The following RORA variants were observed in gnomAD, a reference collection of about 807,000 sequenced individuals.
RORA encodes the protein nuclear receptor ROR-alpha.
In RORA, 7 loss-of-function variants were observed where a neutral mutation model predicts 69.5. That is an observed-to-expected ratio of 0.10 (90% CI 0.06 to 0.19). RORA has a LOEUF of 0.19. Among genes scored for constraint, RORA ranks in the 10% least tolerant of loss-of-function variants. The pLI is 1.00. For missense variants in RORA, 457 were observed against 663.0 expected, an observed-to-expected ratio of 0.69 and a Z score of 3.41; for synonymous variants, 261 against 240.8, an observed-to-expected ratio of 1.08 and a Z score of -0.78.
intron 1 of RORA, among the ~76,000 whole-genome samples, chr15:60,944,471 C>A (rs775052388): frequency 1.3e-5 from 2 of 152,110 alleles, no homozygotes; most frequent in African/African-American, 4.8e-5. Flanking sequence ...AATCCCAGCA[C>A]TTTGGGAGGC....
intron 1 of RORA, among the ~76,000 whole-genome samples, chr15:61,082,217 A>G (rs188544045): frequency 2.2e-3 from 339 of 152,200 alleles, no homozygotes; most frequent in African/African-American, 7.7e-3. Flanking sequence ...GGCCGGGCGC[A>G]GTGGCTCACA....
At chr15:60,515,776 C>T (rs1356217201) in intron 3 of RORA, among the ~76,000 whole-genome samples, 2 of 147,554 alleles carry the variant, frequency 1.4e-5, no homozygotes, top group East Asian at 4.0e-4. Flanking sequence ...GGGTCTTGCT[C>T]TGTCACCCAG....
intron 1 of RORA, among the ~76,000 whole-genome samples, chr15:61,007,627 C>A (rs1894947341): frequency 6.6e-6 from 1 of 151,050 alleles, no homozygotes; most frequent in Non-Finnish European, 1.5e-5. Flanking sequence ...TTTATTTACA[C>A]ATATTTTTAT....
intron 1 of RORA, among the ~76,000 whole-genome samples, chr15:61,184,422 T>C (rs1396494643): frequency 6.6e-6 from 1 of 151,994 alleles, no homozygotes; most frequent in African/African-American, 2.4e-5. Context: ...AAGATAAGTC[T>C]CTTTCTCCTT....
intron 2 of RORA, among the ~76,000 whole-genome samples, chr15:60,540,578 A>T (rs566677059): frequency 0.16 from 7,075 of 45,190 alleles, 871 homozygotes; most frequent in African/African-American, 0.35. Flanking sequence ...CCCCCCCCCA[A>T]AACTGTGCGG....
At chr15:60,813,173 A>T (rs754785944) in intron 1 of RORA, among the ~76,000 whole-genome samples, 1 of 152,122 alleles carries the variant, frequency 6.6e-6, no homozygotes, top group African/African-American at 2.4e-5. Context: ...TTTACATCCC[A>T]TTTGCCAGGA....
At chr15:61,145,019 T>C (rs1010143039) in intron 1 of RORA, among the ~76,000 whole-genome samples, 9 of 152,226 alleles carry the variant, frequency 5.9e-5, no homozygotes, top group Admixed American at 1.3e-4. Context: ...TATAAAGATA[T>C]CTTGATGGTA....
chr15:61,034,015 AT>A (rs1896322903), intron 1 of RORA, among the ~76,000 whole-genome samples: 1 of 152,160 alleles, frequency 6.6e-6, no homozygotes, highest in Non-Finnish European at 1.5e-5. Flanking sequence ...TCACCTATTT[AT>A]TTTTATTCAT....
intron 1 of RORA, among the ~76,000 whole-genome samples, chr15:60,832,960 A>G (rs1164740522): frequency 6.6e-6 from 1 of 151,820 alleles, no homozygotes; most frequent in Non-Finnish European, 1.5e-5. Flanking sequence ...GCTGGAGTGC[A>G]GTGGCGTGAT....
In RORA at chr15:60,611,559, C is replaced by CAAAAAAAAAAAAAAAAAAAAAAAAAAAA. The variant is rs533598270; in HGVS notation, c.196+67070_196+67097dup. Reference sequence around the variant, plus strand: ...TTACCTCAAACAATCTTGAGTTTTGCAAAAAAAAAAAAAAAAAAAAAAAAA... The same window carrying CAAAAAAAAAAAAAAAAAAAAAAAAAAAA: ...TTACCTCAAACAATCTTGAGTTTTGCAAAAAAAAAAAAAAAAAAAAAAAAAAAAAAAAAAAAAAAAAAAAAAAAAAAAA... On this transcript the variant is annotated intron_variant, in intron 2 of 10. Transcript: ENST00000335670. Among the ~76,000 whole-genome samples, 11 of 35,818 alleles carry CAAAAAAAAAAAAAAAAAAAAAAAAAAAA rather than the reference C, an allele frequency of 3.1e-4. 4 individuals carry two copies. Among genetic ancestry groups the CAAAAAAAAAAAAAAAAAAAAAAAAAAAA allele is most frequent in the Admixed American group, 1.0e-3 (2 of 1,918 alleles). 23.5% of individuals were successfully genotyped at this position (35,818 alleles called of 152,430 possible). A position where few individuals can be genotyped will look rare whatever the true frequency, so the allele number is the denominator to read the frequency against.
At chr15:60,674,329 T>G (rs2140741351) in intron 2 of RORA, among the ~76,000 whole-genome samples, 1 of 152,332 alleles carries the variant, frequency 6.6e-6, no homozygotes, top group East Asian at 1.9e-4. Context: ...TTATTCTAGT[T>G]TTTGGATCTC....
chr15:60,883,664 C>A (rs1025236119), intron 1 of RORA, among the ~76,000 whole-genome samples: 2 of 152,132 alleles, frequency 1.3e-5, no homozygotes, highest in Admixed American at 6.5e-5. Flanking sequence ...TAATTAGAAT[C>A]TTTTTATTTT....
rs112512084 is a variant in RORA at position 61,095,167 on chromosome 15, A to AT, written c.166+133885dup. Reference sequence around the variant, plus strand: ...CCTGGTCAGTCCTTGGTTTTGAAAGATTTTTTTGGTGTTCTGGAGGCTGAG... The same window carrying AT: ...CCTGGTCAGTCCTTGGTTTTGAAAGATTTTTTTTGGTGTTCTGGAGGCTGAG... On this transcript the variant is annotated intron_variant, in intron 1 of 10. Transcript: ENST00000335670. Among the ~76,000 whole-genome samples the AT allele has an allele frequency of 6.5e-3, 987 of 152,150 alleles. 13 individuals are homozygous for AT. The highest frequency in any genetic ancestry group is 0.024 in the Middle Eastern group (7 of 294).
At chr15:60,824,089 T>A (rs192769677) in intron 1 of RORA, among the ~76,000 whole-genome samples, 1 of 152,326 alleles carries the variant, frequency 6.6e-6, no homozygotes, top group East Asian at 1.9e-4. Context: ...AATGCATGCA[T>A]ATATGTGAGC....
At chr15:60,868,405 G>C (rs572588031) in intron 1 of RORA, among the ~76,000 whole-genome samples, 3 of 152,118 alleles carry the variant, frequency 2.0e-5, no homozygotes, top group Admixed American at 6.6e-5. Flanking sequence ...GCACAGGGAC[G>C]CACATTTGAA....
intron 1 of RORA, among the ~76,000 whole-genome samples, chr15:60,878,937 A>G (rs2073649018): frequency 6.6e-6 from 1 of 152,176 alleles, no homozygotes; most frequent in Non-Finnish European, 1.5e-5. Context: ...CCAATGGTGG[A>G]TCTGCTCATC....
At chr15:61,054,157 G>A (rs1266926008) in intron 1 of RORA, among the ~76,000 whole-genome samples, 3 of 151,988 alleles carry the variant, frequency 2.0e-5, no homozygotes, top group Admixed American at 6.6e-5. Flanking sequence ...ACGAATAAAT[G>A]GAAATGTTTA....
chr15:60,943,638 G>A (rs1037409755), intron 1 of RORA, among the ~76,000 whole-genome samples: 5 of 151,980 alleles, frequency 3.3e-5, no homozygotes, highest in Non-Finnish European at 5.9e-5. Flanking sequence ...TGGGTCGGCT[G>A]GGCATGGTGG....
intron 1 of RORA, among the ~76,000 whole-genome samples, chr15:60,999,803 ACC>A (rs1894688771): frequency 6.6e-6 from 1 of 152,060 alleles, no homozygotes; most frequent in African/African-American, 2.4e-5. Context: ...TTCAAAGTTG[ACC>A]CCACCCGTTC....
Sources: allele counts gnomAD v4.1 joint callset (sites outside exome capture counted in the v4.1 genomes callset), GRCh38; gene constraint gnomAD v4.1.1; transcripts MANE v1.5; gene names NCBI Gene and HGNC (gene_info 2026-07-23, HGNC 2026-07-21).